PCDH15: variants seen among roughly 807,000 people sequenced by gnomAD.
PCDH15 encodes protocadherin related 15.
PCDH15 carries 129 observed loss-of-function variants against 178.5 expected under a neutral mutation model. The observed-to-expected ratio is 0.72, with a 90% confidence interval of 0.63 to 0.84. The LOEUF (loss-of-function observed/expected upper bound fraction) is 0.84, where lower values mean the gene tolerates loss of function less well. Among genes scored for constraint, PCDH15 ranks in the 40% least tolerant of loss-of-function variants. PCDH15 has a pLI of 0.00. For synonymous variants in PCDH15, 800 were observed against 732.0 expected (o/e 1.09, Z -1.50); for missense variants, 2,230 against 2,099.9 (o/e 1.06, Z -1.21).
At chr10:53,975,180 C>T (rs2090084969) in intron 21 of PCDH15, among the ~76,000 whole-genome samples, 1 of 152,082 alleles carries the variant, frequency 6.6e-6, no homozygotes, top group Admixed American at 6.5e-5. Context: ...ATCCAATACA[C>T]CACTGATGGA....
chr10:54,555,020 A>T (rs1437466701), intron 2 of PCDH15, among the ~76,000 whole-genome samples: 2 of 152,198 alleles, frequency 1.3e-5, no homozygotes, highest in Non-Finnish European at 2.9e-5. Context: ...GACATTGGAA[A>T]ATAGCTATTC....
chr10:54,662,175 G>A (rs978829864), intron 2 of PCDH15, among the ~76,000 whole-genome samples: 4 of 151,680 alleles, frequency 2.6e-5, no homozygotes, highest in Admixed American at 6.6e-5. Flanking sequence ...ATTTATGTCC[G>A]AAATCTATAA....
At chr10:54,581,108 A>T (rs1404535740) in intron 2 of PCDH15, among the ~76,000 whole-genome samples, 1 of 152,052 alleles carries the variant, frequency 6.6e-6, no homozygotes, top group Non-Finnish European at 1.5e-5. Flanking sequence ...CAATCAAAGA[A>T]GAGAAAGTAA....
At chr10:55,092,550 G>A (rs1842343227) in intron 2 of PCDH15, among the ~76,000 whole-genome samples, 1 of 151,714 alleles carries the variant, frequency 6.6e-6, no homozygotes, top group African/African-American at 2.4e-5. Flanking sequence ...ATATTTAGAA[G>A]GTAGTTAAAA....
At chr10:55,492,305 TA>T (rs1458404974) in intron 2 of PCDH15, among the ~76,000 whole-genome samples, 2 of 151,766 alleles carry the variant, frequency 1.3e-5, no homozygotes, top group African/African-American at 4.8e-5. Context: ...ATTCAAGGCT[TA>T]AAGGCAGAAA....
intron 2 of PCDH15, among the ~76,000 whole-genome samples, chr10:54,645,210 C>T (rs1017703909): frequency 2.6e-5 from 4 of 151,836 alleles, no homozygotes; most frequent in African/African-American, 9.7e-5. Context: ...TTCCTTTATA[C>T]CTAGGAATGA....
chr10:54,064,567 G>A (rs2094100738), intron 18 of PCDH15, among the ~76,000 whole-genome samples: 1 of 152,100 alleles, frequency 6.6e-6, no homozygotes, highest in Non-Finnish European at 1.5e-5. Flanking sequence ...GAGGAGAAGT[G>A]CCTGCAGGCC....
intron 2 of PCDH15, among the ~76,000 whole-genome samples, chr10:55,162,834 T>G (rs1839100203): frequency 1.3e-5 from 2 of 152,162 alleles, no homozygotes; most frequent in Admixed American, 1.3e-4. Context: ...GGTTTGAGTC[T>G]CAGTCCCTCT....
At chr10:54,146,855 G>A (rs1029700462) in intron 14 of PCDH15, among the ~76,000 whole-genome samples, 21 of 144,704 alleles carry the variant, frequency 1.5e-4, no homozygotes, top group Non-Finnish European at 2.6e-4. Context: ...TGGCTGGGTC[G>A]ATCTGTAAAA....
At chr10:54,166,963 C>A (rs915707176) in intron 13 of PCDH15, among the ~76,000 whole-genome samples, 5 of 152,222 alleles carry the variant, frequency 3.3e-5, no homozygotes, top group South Asian at 4.1e-4. Context: ...CCCCCTTTGA[C>A]TGTAATTTTC....
intron 2 of PCDH15, among the ~76,000 whole-genome samples, chr10:55,596,679 C>T (rs992971556): frequency 1.3e-5 from 2 of 151,960 alleles, no homozygotes; most frequent in East Asian, 1.9e-4. Flanking sequence ...TTTTAATGTA[C>T]GTTTTTGCCA....
chr10:54,380,332 A>G (rs1193438273), intron 3 of PCDH15, among the ~76,000 whole-genome samples: 1 of 151,866 alleles, frequency 6.6e-6, no homozygotes, highest in Non-Finnish European at 1.5e-5. Flanking sequence ...TGGCAAATAC[A>G]CAACCTACAT....
chr10:53,928,484 A>G (rs2084768488), intron 25 of PCDH15, among the ~76,000 whole-genome samples: 1 of 152,074 alleles, frequency 6.6e-6, no homozygotes, highest in African/African-American at 2.4e-5. Flanking sequence ...CTACAACCAT[A>G]ATCAATAATG....
At chr10:54,395,324 T>C (rs998746318) in intron 3 of PCDH15, among the ~76,000 whole-genome samples, 1 of 151,632 alleles carries the variant, frequency 6.6e-6, no homozygotes, top group Non-Finnish European at 1.5e-5. Flanking sequence ...CTTCAGCAGG[T>C]CCCTCCGTTT....
At chr10:55,118,697 AGGTTAAG>A (rs764074179) in intron 2 of PCDH15, among the ~76,000 whole-genome samples, 7 of 152,214 alleles carry the variant, frequency 4.6e-5, no homozygotes, top group Non-Finnish European at 8.8e-5. Flanking sequence ...CTGATTCAAT[AGGTTAAG>A]GGTGAAGCCC....
At chr10:55,341,795 ATATATATATATTTTTTTTTTTTTT>A (rs1339171110) in intron 2 of PCDH15, among the ~76,000 whole-genome samples, 8 of 11,262 alleles carry the variant, frequency 7.1e-4, no homozygotes, top group African/African-American at 3.0e-3. Context: ...ATATATATAT[ATATATATATATTTTTTTTTTTTTT>A]TTTTTTTTTT....
chr10:54,723,050 A>G (rs962846355), intron 1 of PCDH15, among the ~76,000 whole-genome samples: 6 of 151,704 alleles, frequency 4.0e-5, no homozygotes, highest in Non-Finnish European at 7.4e-5. Flanking sequence ...AAAAATCTTA[A>G]TGTTTAGATG....
chr10:55,353,970 G>A (rs186858963), intron 2 of PCDH15, among the ~76,000 whole-genome samples: 4 of 151,948 alleles, frequency 2.6e-5, no homozygotes, highest in Admixed American at 6.6e-5. Context: ...GCTCAGAGAC[G>A]ATTCTTTATA....
At chr10:54,610,776 G>T (rs1056126655) in intron 2 of PCDH15, among the ~76,000 whole-genome samples, 3 of 151,818 alleles carry the variant, frequency 2.0e-5, no homozygotes, top group Non-Finnish European at 4.4e-5. Flanking sequence ...CTGAAGATAA[G>T]TTGGTTTAAA....
Sources: gnomAD v4.1 joint callset for allele counts (sites outside exome capture counted in the v4.1 genomes callset) on GRCh38, gnomAD v4.1.1 for gene constraint, MANE v1.5 for transcripts, NCBI Gene and HGNC (gene_info 2026-07-23, HGNC 2026-07-21) for gene names.